The following NXPH1 variants were observed in gnomAD, a reference collection of about 807,000 sequenced individuals.
The protein encoded by NXPH1 is neurexophilin 1, also known as neurexophilin-1.
A neutral mutation model predicts 23.7 loss-of-function variants in NXPH1; 5 were observed. That is an observed-to-expected ratio of 0.21 (90% CI 0.11 to 0.44). NXPH1 has a LOEUF of 0.44. NXPH1 is among the 20% of genes least tolerant of loss of function. NXPH1 has a pLI of 0.99. For missense variants in NXPH1, 324 were observed against 321.6 expected (o/e 1.01, Z -0.06); for synonymous variants, 144 against 122.2 (o/e 1.18, Z -1.18).
intron 2 of NXPH1, among the ~76,000 whole-genome samples, chr7:8,514,595 G>T (rs1817660942): frequency 6.6e-6 from 1 of 152,122 alleles, no homozygotes; most frequent in Non-Finnish European, 1.5e-5. Context: ...TGTCATGATT[G>T]TGGACTTATG....
intron 2 of NXPH1, among the ~76,000 whole-genome samples, chr7:8,578,567 A>C (rs567760091): frequency 6.6e-6 from 1 of 152,198 alleles, no homozygotes; most frequent in Non-Finnish European, 1.5e-5. Context: ...AGTCCTCTGA[A>C]AGCAGAGCAG....
intron 2 of NXPH1, among the ~76,000 whole-genome samples, chr7:8,559,270 T>C (rs1392773858): frequency 6.6e-6 from 1 of 151,728 alleles, no homozygotes; most frequent in Non-Finnish European, 1.5e-5. Flanking sequence ...AATCTAATTT[T>C]AGAACATTAA....
chr7:8,441,336 A>G (rs978563425), intron 2 of NXPH1, among the ~76,000 whole-genome samples: 1 of 151,892 alleles, frequency 6.6e-6, no homozygotes, highest in African/African-American at 2.4e-5. Flanking sequence ...TCCACTAGTC[A>G]AGTTCCCGAC....
chr7:8,563,548 C>T (rs1818487042), intron 2 of NXPH1, among the ~76,000 whole-genome samples: 1 of 151,676 alleles, frequency 6.6e-6, no homozygotes, highest in South Asian at 2.1e-4. Context: ...TGAAACAAGA[C>T]TCGGAAGCAC....
At chr7:8,532,265 A>G (rs1817959069) in intron 2 of NXPH1, among the ~76,000 whole-genome samples, 1 of 152,148 alleles carries the variant, frequency 6.6e-6, no homozygotes, top group Admixed American at 6.5e-5. Context: ...GCAAAGCAGT[A>G]TTGATGGAAC....
intron 2 of NXPH1, among the ~76,000 whole-genome samples, chr7:8,694,548 C>G (rs573703009): frequency 3.2e-4 from 49 of 152,096 alleles, no homozygotes; most frequent in Non-Finnish European, 6.8e-4. Flanking sequence ...ACTTTGAATT[C>G]TTAATATTTC....
intron 2 of NXPH1, among the ~76,000 whole-genome samples, chr7:8,528,533 CTTGTT>C (rs1426895995): frequency 4.6e-5 from 7 of 152,342 alleles, no homozygotes; most frequent in Admixed American, 2.0e-4. Context: ...AATCGTCTGT[CTTGTT>C]TTAAGAGTCT....
intron 2 of NXPH1, among the ~76,000 whole-genome samples, chr7:8,492,669 G>T (rs897872104): frequency 2.0e-5 from 3 of 151,922 alleles, no homozygotes; most frequent in African/African-American, 7.2e-5. Flanking sequence ...CATCATCACT[G>T]CTATGACACA....
chr7:8,735,665 G>A (rs891997821), intron 2 of NXPH1, among the ~76,000 whole-genome samples: 6 of 152,172 alleles, frequency 3.9e-5, no homozygotes, highest in African/African-American at 1.4e-4. Context: ...ATGAGTTAGG[G>A]AGGACTCCCT....
chr7:8,511,916 C>G (rs1182391234), intron 2 of NXPH1, among the ~76,000 whole-genome samples: 1 of 152,138 alleles, frequency 6.6e-6, no homozygotes, highest in African/African-American at 2.4e-5. Flanking sequence ...AAAGTAGCCA[C>G]CGGGAGGTTC....
intron 2 of NXPH1, among the ~76,000 whole-genome samples, chr7:8,486,740 T>A (rs1338035926): frequency 6.6e-6 from 1 of 152,198 alleles, no homozygotes; most frequent in African/African-American, 2.4e-5. Context: ...CTGGCATACA[T>A]AATGTTCTTT....
At chr7:8,649,834 A>G (rs1183498762) in intron 2 of NXPH1, among the ~76,000 whole-genome samples, 1 of 152,100 alleles carries the variant, frequency 6.6e-6, no homozygotes, top group African/African-American at 2.4e-5. Context: ...GGTAGTGGGT[A>G]TGTTCAGGGG....
chr7:8,567,166 C>T (rs1269122143), intron 2 of NXPH1, among the ~76,000 whole-genome samples: 1 of 151,888 alleles, frequency 6.6e-6, no homozygotes, highest in Non-Finnish European at 1.5e-5. Flanking sequence ...GTTTCCAACT[C>T]TAAATATGAT....
At chr7:8,494,059 T>A (rs1418250737) in intron 2 of NXPH1, among the ~76,000 whole-genome samples, 1 of 152,036 alleles carries the variant, frequency 6.6e-6, no homozygotes, top group Non-Finnish European at 1.5e-5. Context: ...ATCCTAGATT[T>A]TTTCCGTCTC....
At chr7:8,719,778 C>A (rs897073974) in intron 2 of NXPH1, among the ~76,000 whole-genome samples, 2 of 152,046 alleles carry the variant, frequency 1.3e-5, no homozygotes, top group Non-Finnish European at 2.9e-5. Context: ...AAATGAAATA[C>A]TTTTATACAA....
intron 2 of NXPH1, among the ~76,000 whole-genome samples, chr7:8,744,485 T>G (rs1004974541): frequency 6.6e-6 from 1 of 152,216 alleles, no homozygotes; most frequent in African/African-American, 2.4e-5. Context: ...GCTCCTCTTC[T>G]GCCTGTCCTC....
intron 2 of NXPH1, among the ~76,000 whole-genome samples, chr7:8,716,659 T>C (rs575865447): frequency 3.3e-5 from 5 of 152,324 alleles, no homozygotes; most frequent in African/African-American, 1.2e-4. Flanking sequence ...TGGATTTTGG[T>C]GTTAAAAGGG....
intron 2 of NXPH1, among the ~76,000 whole-genome samples, chr7:8,547,550 T>G (rs114992385): frequency 0.011 from 1,737 of 151,490 alleles, 31 homozygotes; most frequent in African/African-American, 0.039. Flanking sequence ...ATGGGTATAT[T>G]GCATACCGAA....
rs1349667996 is a variant in NXPH1 at position 8,433,764 on chromosome 7, C to G, written c.-1102C>G. Among the ~76,000 whole-genome samples, 1 of 151,990 alleles carries G rather than the reference C, an allele frequency of 6.6e-6. No homozygotes were observed. Among genetic ancestry groups the G allele is most frequent in the Non-Finnish European group, 1.5e-5 (1 of 67,926 alleles). On this transcript the variant is annotated 5_prime_UTR_variant, in exon 1 of 3. Transcript: ENST00000405863. This position sits in a 1 kb window ranked among gnomAD's most constrained non-coding sequence, Gnocchi z 6.8. ...GCCCTTCCCCGCCCTACGCGACTCC[C>G]GGCTGCTCTTCCCGCCACTCCCCTG...
Sources: allele counts gnomAD v4.1 joint callset (sites outside exome capture counted in the v4.1 genomes callset), GRCh38; gene constraint gnomAD v4.1.1; non-coding constraint Gnocchi (gnomAD v3.1); transcripts MANE v1.5; gene names NCBI Gene and HGNC (gene_info 2026-07-23, HGNC 2026-07-21).